The following TP53BP1 variants were observed in gnomAD, a reference collection of about 807,000 sequenced individuals.
TP53BP1 encodes the protein tumor protein p53 binding protein 1.
A neutral mutation model predicts 200.8 loss-of-function variants in TP53BP1; 61 were observed. The observed-to-expected ratio is 0.30, with a 90% CI of 0.25 to 0.38. The LOEUF is 0.38. TP53BP1 is among the 10% of genes least tolerant of loss of function. The probability of loss-of-function intolerance (pLI) is 1.00; values close to 1 mark genes in which losing one functional copy is unlikely to be tolerated. For synonymous variants in TP53BP1, 822 were observed against 844.3 expected (o/e 0.97, Z 0.46); for missense variants, 2,144 against 2,371.9 (o/e 0.90, Z 2.00).
At chr15:43,445,006 A>G (rs887418254) in intron 14 of TP53BP1, among the ~76,000 whole-genome samples, 4 of 152,162 alleles carry the variant, frequency 2.6e-5, no homozygotes, top group Non-Finnish European at 4.4e-5. Flanking sequence ...TTAGTGTTCC[A>G]ATAGTGGAAC....
chr15:43,427,686 T>C (rs1435665575), intron 18 of TP53BP1, among the ~76,000 whole-genome samples: 4 of 152,116 alleles, frequency 2.6e-5, no homozygotes, highest in Non-Finnish European at 5.9e-5. Flanking sequence ...TCAGGGACAA[T>C]AGCTCATGCC....
chr15:43,427,186 A>G (rs2045559927), intron 18 of TP53BP1, among the ~76,000 whole-genome samples: 1 of 152,224 alleles, frequency 6.6e-6, no homozygotes, highest in South Asian at 2.1e-4. Flanking sequence ...GCCATTCAAG[A>G]TAACAAACAG....
chr15:43,422,408 C>T (rs542280789), intron 18 of TP53BP1, among the ~76,000 whole-genome samples: 2 of 151,952 alleles, frequency 1.3e-5, no homozygotes, highest in African/African-American at 2.4e-5. Context: ...TACTGTATCT[C>T]AATAAAATAT....
intron 12 of TP53BP1, among the ~76,000 whole-genome samples, chr15:43,455,045 G>C (rs2046262025): frequency 6.6e-6 from 1 of 152,138 alleles, no homozygotes; most frequent in Non-Finnish European, 1.5e-5. Context: ...AAATACTTTA[G>C]AAAGTAATCT....
intron 1 of TP53BP1, among the ~76,000 whole-genome samples, chr15:43,509,256 G>A (rs2079257500): frequency 6.7e-6 from 1 of 150,142 alleles, no homozygotes; most frequent in Non-Finnish European, 1.5e-5. Flanking sequence ...ACTAGAGGGT[G>A]AGGCATCCCC....
intron 24 of TP53BP1, chr15:43,412,830 T>C (rs976315901): frequency 3.8e-6 from 2 of 521,284 alleles, no homozygotes; most frequent in African/African-American, 3.9e-5. Context: ...ACACAATTAT[T>C]TAACCTTTAA....
In TP53BP1 at chr15:43,475,604, AGCT is replaced by A. The variant is rs1191295063; in HGVS notation, c.1043_1045del (p.Gln348del). On this transcript the variant is annotated inframe_deletion, in exon 9 of 28. Coordinates refer to ENST00000382044, the MANE Select transcript of TP53BP1 (RefSeq NM_001141980.3). Reference sequence around the variant, plus strand: ...CTGAACAAGGGACCTCTGACCAGAGAGCTGCAGGAGATGCAGAGTGGTGGCAGG... The same window carrying A: ...CTGAACAAGGGACCTCTGACCAGAGAGCAGGAGATGCAGAGTGGTGGCAGG... The A allele has an allele frequency of 2.5e-6, 4 of 1,614,136 alleles. No individual in the cohort carries two copies. In the South Asian group the frequency reaches 4.4e-5, roughly 18 times the overall value.
At chr15:43,465,394 C>A (rs1595590909) in intron 11 of TP53BP1, among the ~76,000 whole-genome samples, 1 of 151,912 alleles carries the variant, frequency 6.6e-6, no homozygotes, top group African/African-American at 2.4e-5. Flanking sequence ...ATGTGAATTA[C>A]ATCTCAATAT....
intron 1 of TP53BP1, among the ~76,000 whole-genome samples, chr15:43,507,119 T>C (rs1310682409): frequency 2.0e-5 from 3 of 152,166 alleles, no homozygotes; most frequent in Non-Finnish European, 4.4e-5. Context: ...ATTGGTTTGT[T>C]TGTGCATTTT....
At chr15:43,436,331 G>A (rs1223654655) in intron 16 of TP53BP1, among the ~76,000 whole-genome samples, 1 of 152,032 alleles carries the variant, frequency 6.6e-6, no homozygotes, top group African/African-American at 2.4e-5. Context: ...TTATCACATT[G>A]TCTAATTACG....
In TP53BP1 at chr15:43,415,505, C is replaced by T. The variant is rs774647118; in HGVS notation, c.5089+89G>A. The stretch of plus-strand genomic sequence containing the variant: ...ACTTTATAGCAGGACAGAAGGGCCA[C>T]TGCCACATATTAAGCTCCATTTTTC... On this transcript the variant is annotated intron_variant, in intron 23 of 27. Transcript: ENST00000382044. The T allele has an allele frequency of 1.1e-5, 16 of 1,399,334 alleles. No homozygotes were observed. The African/African-American group carries it at 1.8e-4, about 16-fold the overall frequency. The allele number at this position is 1,399,334 out of a possible 1,614,324, so 86.7% of individuals were successfully genotyped here. A position where few individuals can be genotyped will look rare whatever the true frequency, so the allele number is the denominator to read the frequency against.
intron 4 of TP53BP1, among the ~76,000 whole-genome samples, chr15:43,487,794 A>G (rs942223808): frequency 5.9e-5 from 9 of 152,032 alleles, no homozygotes; most frequent in Non-Finnish European, 7.4e-5. Flanking sequence ...AAAAAAAAAA[A>G]AAAAGAAAAG....
chr15:43,495,863 T>C (rs1289991082), upstream of TP53BP1, among the ~76,000 whole-genome samples: 1 of 149,722 alleles, frequency 6.7e-6, no homozygotes, highest in African/African-American at 2.5e-5. Context: ...TAAAAATAGA[T>C]AAATAAATGA....
intron 14 of TP53BP1, 71 bp downstream of exon 14, chr15:43,446,316 A>G (rs2046040004): frequency 8.8e-7 from 1 of 1,137,616 alleles, no homozygotes; most frequent in East Asian, 2.4e-5. Context: ...CAATTATTAT[A>G]ACTAGATTAT....
intron 5 of TP53BP1, among the ~76,000 whole-genome samples, chr15:43,480,341 G>A (rs1022982625): frequency 3.3e-5 from 5 of 152,168 alleles, no homozygotes; most frequent in East Asian, 1.9e-4. Context: ...CTGGCTACTC[G>A]GGAGGCTGAA....
intron 1 of TP53BP1, among the ~76,000 whole-genome samples, chr15:43,502,142 G>T (rs1014914342): frequency 2.0e-5 from 3 of 152,004 alleles, no homozygotes; most frequent in Non-Finnish European, 4.4e-5. Context: ...AATACAGGGA[G>T]GCCTTATCTC....
chr15:43,422,181 AAT>A, intron 18 of TP53BP1, 55 bp from the exon 19 acceptor site: 1 of 1,556,322 alleles, frequency 6.4e-7, no homozygotes. Context: ...ACACAATGCT[AAT>A]ATGATGGTTG....
intron 14 of TP53BP1, among the ~76,000 whole-genome samples, chr15:43,445,586 T>C (rs1383790256): frequency 6.6e-6 from 1 of 152,170 alleles, no homozygotes; most frequent in Non-Finnish European, 1.5e-5. Flanking sequence ...CTTAAAAACC[T>C]CTCTTACTCT....
At chr15:43,464,785 G>A (rs2140074636) in intron 11 of TP53BP1, among the ~76,000 whole-genome samples, 1 of 152,176 alleles carries the variant, frequency 6.6e-6, no homozygotes, top group South Asian at 2.1e-4. Context: ...GTGCATGCCT[G>A]TAATCCCAGC....
Sources: allele counts gnomAD v4.1 joint callset (sites outside exome capture counted in the v4.1 genomes callset), GRCh38; gene constraint gnomAD v4.1.1; transcripts MANE v1.5; gene names NCBI Gene and HGNC (gene_info 2026-07-23, HGNC 2026-07-21).